Variants in FAM220A observed in about 807,000 individuals in gnomAD.
The protein encoded by FAM220A is protein FAM220A.
For missense variants in FAM220A, 392 were observed against 321.6 expected, an observed-to-expected ratio of 1.22 and a Z score of -1.68; for synonymous variants, 141 against 130.7, an observed-to-expected ratio of 1.08 and a Z score of -0.54.
intron 1 of FAM220A, among the ~76,000 whole-genome samples, chr7:6,341,638 T>G (rs1201792005): frequency 1.2e-4 from 15 of 129,356 alleles, no homozygotes; most frequent in South Asian, 4.8e-4. Context: ...TGCAGTGAGC[T>G]GAGATCGCGC....
intron 1 of FAM220A, among the ~76,000 whole-genome samples, chr7:6,336,950 G>A (rs1267670728): frequency 1.3e-5 from 2 of 151,994 alleles, no homozygotes; most frequent in African/African-American, 4.8e-5. Flanking sequence ...CACCATGGCT[G>A]GCCATATTCT....
In FAM220A at chr7:6,333,772, C is replaced by T. The variant is rs988621559; in HGVS notation, c.-81-2537G>A. 1.3e-4 allele frequency among the ~76,000 whole-genome samples: 16 copies of T among 125,066 alleles called. No individual in the cohort carries two copies. The East Asian group carries it at 2.5e-3, about 20-fold the overall frequency. 82.0% of individuals were successfully genotyped at this position (125,066 alleles called of 152,430 possible). A position where few individuals can be genotyped will look rare whatever the true frequency, so the allele number is the denominator to read the frequency against. On this transcript the variant is annotated intron_variant, in intron 1 of 1. Coordinates refer to ENST00000313324, the MANE Select transcript of FAM220A (RefSeq NM_001037163.2). Reference sequence around the variant, plus strand: ...AGTAGGTGACTTGAAGAACAAGTGTCTTTTTTTTTTTTTTAATAGAGACAG... The same window carrying T: ...AGTAGGTGACTTGAAGAACAAGTGTTTTTTTTTTTTTTTTAATAGAGACAG...
intron 1 of FAM220A, 95 bp from the exon 2 acceptor site, chr7:6,331,330 T>C (rs1458400757): frequency 3.0e-6 from 2 of 656,128 alleles, no homozygotes; most frequent in Non-Finnish European, 5.2e-6. Flanking sequence ...AACACTGAGA[T>C]CTTTATGACA....
chr7:6,330,652 TG>T lies in FAM220A; in HGVS notation c.502del (p.Gln168ArgfsTer37). On this transcript the variant is annotated frameshift_variant, in exon 2 of 2. Transcript: ENST00000313324. LOFTEE classifies it low-confidence loss of function (END_TRUNC). ...GGGAAAAGCACTTGGTGGGTCATCC[TG>T]AAAACTTCCCATTTCCGGCACTTTT... ...HQKVPEMGSF[Q>X]DDPPSAFPKG... 6.2e-7 allele frequency: 1 copy of T among 1,614,164 alleles called. No individual in the cohort carries two copies. Among genetic ancestry groups the T allele is most frequent in the Non-Finnish European group, 8.5e-7 (1 of 1,180,026 alleles).
At chr7:6,340,647 C>T (rs1254862607) in intron 1 of FAM220A, among the ~76,000 whole-genome samples, 1 of 152,060 alleles carries the variant, frequency 6.6e-6, no homozygotes, top group Non-Finnish European at 1.5e-5. Flanking sequence ...TGGGATTATT[C>T]CCAGCACTTT....
chr7:6,348,885 C>T lies in FAM220A; in HGVS notation c.-394G>A, dbSNP rs1782007901. 3 of 388,272 alleles carry T rather than the reference C, an allele frequency of 7.7e-6. No homozygotes were observed. Among genetic ancestry groups the T allele is most frequent in the African/African-American group, 2.1e-5 (1 of 48,104 alleles). The allele number at this position is 388,272 out of a possible 1,614,324, so 24.1% of individuals were successfully genotyped here. On this transcript the variant is annotated 5_prime_UTR_variant, in exon 1 of 2. Transcript: ENST00000313324. ...GCGGCTAGACCGGCGGGCGGGCGGG[C>T]CGCAGTGGAGCGGAGTCCGCACGTC...
At chr7:6,337,793 C>CTTT (rs1781774625) in intron 1 of FAM220A, among the ~76,000 whole-genome samples, 1 of 142,988 alleles carries the variant, frequency 7.0e-6, no homozygotes, top group Admixed American at 6.8e-5. Flanking sequence ...GATTTCAATA[C>CTTT]ATTATTTATT....
intron 1 of FAM220A, among the ~76,000 whole-genome samples, chr7:6,338,890 C>T (rs146355593): frequency 3.3e-5 from 5 of 152,318 alleles, no homozygotes; most frequent in East Asian, 1.9e-4. Flanking sequence ...AGCAGGGCCG[C>T]GGTGGGCCTT....
At position 6,330,014 on chromosome 7, in the gene FAM220A, C is replaced by G. The variant is rs772927738; in HGVS notation, c.*361G>C. ...CAAGTATCCACTTCCATTGGGTGAT[C>G]AGACAAGTCAAAAGGACACACAGGA... On this transcript the variant is annotated 3_prime_UTR_variant, in exon 2 of 2. Coordinates refer to ENST00000313324, the MANE Select transcript of FAM220A (RefSeq NM_001037163.2). The G allele has an allele frequency of 2.0e-4, 49 of 245,102 alleles. No homozygotes were observed. Among genetic ancestry groups the G allele is most frequent in the Non-Finnish European group, 4.0e-4 (47 of 118,800 alleles). The allele number at this position is 245,102 out of a possible 1,614,324, so 15.2% of individuals were successfully genotyped here. A position where few individuals can be genotyped will look rare whatever the true frequency, so the allele number is the denominator to read the frequency against.
intron 1 of FAM220A, among the ~76,000 whole-genome samples, chr7:6,331,462 C>T (rs530430784): frequency 1.3e-5 from 2 of 151,186 alleles, no homozygotes; most frequent in Non-Finnish European, 3.0e-5. Context: ...CATGCCCAGC[C>T]GTATTAAGGT....
rs1271982411 is a variant in FAM220A, at chr7:6,341,457, A to AT, written c.-82+7115dup. ...ACTCTGTCTCAAAAAAATAATAATA[A>AT]TAATTATTATTATTATTATGAGCAC... On this transcript the variant is annotated intron_variant, in intron 1 of 1. Transcript: ENST00000313324. 8.9e-4 allele frequency among the ~76,000 whole-genome samples: 124 copies of AT among 139,822 alleles called. 2 individuals are homozygous for AT. In the South Asian group the frequency reaches 0.014, roughly 16 times the overall value. 91.7% of individuals were successfully genotyped at this position (139,822 alleles called of 152,430 possible). A position where few individuals can be genotyped will look rare whatever the true frequency, so the allele number is the denominator to read the frequency against.
chr7:6,340,896 CT>C, intron 1 of FAM220A, among the ~76,000 whole-genome samples: 1 of 95,658 alleles, frequency 1.0e-5, no homozygotes. Context: ...GAGACTCCAT[CT>C]CAAAAAAAAA....
intron 1 of FAM220A, among the ~76,000 whole-genome samples, chr7:6,337,938 G>A (rs1049065248): frequency 6.6e-6 from 1 of 151,522 alleles, no homozygotes; most frequent in Non-Finnish European, 1.5e-5. Flanking sequence ...CAAGTAGCTG[G>A]TACTACAGGC....
At chr7:6,332,481 C>T (rs534355331) in intron 1 of FAM220A, among the ~76,000 whole-genome samples, 92 of 152,226 alleles carry the variant, frequency 6.0e-4, no homozygotes, top group Non-Finnish European at 1.1e-3. Context: ...TTAATTGACA[C>T]GTTAAATGTA....
chr7:6,342,174 T>C (rs910173351), intron 1 of FAM220A, among the ~76,000 whole-genome samples: 1 of 152,088 alleles, frequency 6.6e-6, no homozygotes, highest in Admixed American at 6.6e-5. Flanking sequence ...TAAAGCTTCA[T>C]TTTCTTTCCT....
chr7:6,344,117 A>T (rs1443211124), intron 1 of FAM220A, among the ~76,000 whole-genome samples: 2 of 151,506 alleles, frequency 1.3e-5, no homozygotes, highest in African/African-American at 4.9e-5. Flanking sequence ...TCCTGGCCTC[A>T]AGCGAGGGTA....
intron 1 of FAM220A, among the ~76,000 whole-genome samples, chr7:6,343,028 C>T (rs1250631409): frequency 1.4e-4 from 18 of 132,304 alleles, no homozygotes; most frequent in South Asian, 8.2e-4. Flanking sequence ...CAGAGGAAGA[C>T]GCTTTCTCAA....
intron 1 of FAM220A, among the ~76,000 whole-genome samples, chr7:6,344,539 C>T (rs1342193159): frequency 6.6e-6 from 1 of 152,094 alleles, no homozygotes; most frequent in Non-Finnish European, 1.5e-5. Context: ...CCACCTCAGT[C>T]TCCCAAGTAG....
chr7:6,336,586 A>G (rs1330057225), intron 1 of FAM220A, among the ~76,000 whole-genome samples: 1 of 151,706 alleles, frequency 6.6e-6, no homozygotes, highest in Non-Finnish European at 1.5e-5. Flanking sequence ...CAGGAGGCTG[A>G]GACACGAGAA....
Sources: gnomAD v4.1 joint callset for allele counts (sites outside exome capture counted in the v4.1 genomes callset) on GRCh38, gnomAD v4.1.1 for gene constraint, MANE v1.5 for transcripts, NCBI Gene and HGNC (gene_info 2026-07-23, HGNC 2026-07-21) for gene names.